The following ADGRG6 variants were observed in gnomAD, a reference collection of about 807,000 sequenced individuals.
The protein encoded by ADGRG6 is G-protein coupled receptor 126.
In ADGRG6, 84 loss-of-function variants were observed where a neutral mutation model predicts 142.4. The observed-to-expected ratio is 0.59, with a 90% CI of 0.49 to 0.71. ADGRG6 has a LOEUF of 0.71. Ranked by LOEUF, ADGRG6 falls within the 30% of genes least tolerant of loss-of-function variation. The pLI is 0.00. For missense variants in ADGRG6, 1,367 were observed against 1,466.6 expected (o/e 0.93, Z 1.11); for synonymous variants, 521 against 520.5 (o/e 1.00, Z -0.01).
chr6:142,357,276 T>C lies in ADGRG6; in HGVS notation c.104-10293T>C, dbSNP rs543976510. On this transcript the variant is annotated intron_variant, in intron 2 of 24. Transcript: ENST00000367609. ...CATTCATACATACATACTCCCCTGA[T>C]ACATTATACCTGAGATCTATATGAA... Among the ~76,000 whole-genome samples the C allele has an allele frequency of 1.5e-3, 234 of 152,316 alleles. 3 individuals are homozygous for C. The highest frequency in any genetic ancestry group is 1.5e-3 in the Non-Finnish European group (101 of 68,028).
chr6:142,389,655 T>G (rs1774776207), intron 6 of ADGRG6, among the ~76,000 whole-genome samples: 1 of 151,936 alleles, frequency 6.6e-6, no homozygotes, highest in Non-Finnish European at 1.5e-5. Flanking sequence ...ATATTGTTTC[T>G]TTTTTTCCCT....
intron 18 of ADGRG6, among the ~76,000 whole-genome samples, chr6:142,414,246 T>C (rs925499707): frequency 6.6e-6 from 1 of 152,140 alleles, no homozygotes; most frequent in Admixed American, 6.6e-5. Context: ...TAAGTCTCCC[T>C]TAGCACATTG....
At chr6:142,338,028 T>TTTTTTTTTTTTTG (rs1562321096) in intron 2 of ADGRG6, among the ~76,000 whole-genome samples, 2 of 42,160 alleles carry the variant, frequency 4.7e-5, no homozygotes, top group South Asian at 9.4e-4. Flanking sequence ...TTTTTTTTTT[T>TTTTTTTTTTTTTG]TTTTTTTTTT....
chr6:142,322,279 G>C (rs1346034643), intron 2 of ADGRG6, among the ~76,000 whole-genome samples: 1 of 151,958 alleles, frequency 6.6e-6, no homozygotes, highest in African/African-American at 2.4e-5. Context: ...ACATGCCTGT[G>C]GTCCCAGTTT....
intron 2 of ADGRG6, among the ~76,000 whole-genome samples, chr6:142,323,913 TTA>T (rs2114624168): frequency 6.6e-6 from 1 of 152,176 alleles, no homozygotes; most frequent in South Asian, 2.1e-4. Flanking sequence ...GTACCATATT[TTA>T]TCTTTTATAC....
intron 2 of ADGRG6, among the ~76,000 whole-genome samples, chr6:142,344,644 G>A (rs1407712416): frequency 3.3e-5 from 5 of 151,772 alleles, no homozygotes; most frequent in Admixed American, 6.6e-5. Context: ...ACAATAATAT[G>A]GACTTCTTCC....
chr6:142,422,461 A>C (rs1217774201), intron 22 of ADGRG6, among the ~76,000 whole-genome samples: 1 of 152,090 alleles, frequency 6.6e-6, no homozygotes, highest in Non-Finnish European at 1.5e-5. Flanking sequence ...GATGATTTCC[A>C]ATTTCATCCA....
intron 6 of ADGRG6, among the ~76,000 whole-genome samples, chr6:142,386,621 C>T (rs954017735): frequency 2.0e-5 from 3 of 152,124 alleles, no homozygotes; most frequent in South Asian, 4.2e-4. Context: ...GGGGGTTTGC[C>T]GAGTGCTTTC....
intron 2 of ADGRG6, among the ~76,000 whole-genome samples, chr6:142,346,696 TA>T (rs778129737): frequency 6.6e-6 from 1 of 151,960 alleles, no homozygotes; most frequent in Non-Finnish European, 1.5e-5. Context: ...TATGCAGTCA[TA>T]AAAAAGAACG....
rs1405635339 is a variant in ADGRG6, at chr6:142,437,536, G to A, written c.3421+1G>A. On this transcript the variant is annotated splice_donor_variant, in intron 23 of 24. Coordinates refer to ENST00000367609, the MANE Select transcript of ADGRG6 (RefSeq NM_198569.3). LOFTEE classifies it high-confidence loss of function. ...AGATTTCGGTTAGCAGATAACTCAG[G>A]TAAAGAGTTGTTGATTAAATTTTAC... The A allele has an allele frequency of 3.0e-6, 4 of 1,351,740 alleles. No individual in the cohort carries two copies. The highest frequency in any genetic ancestry group is 1.2e-5 in the South Asian group (1 of 85,498). 83.7% of individuals were successfully genotyped at this position (1,351,740 alleles called of 1,614,324 possible).
chr6:142,383,658 T>C (rs1054778699), intron 5 of ADGRG6, 102 bp from the exon 6 acceptor site: 3 of 658,538 alleles, frequency 4.6e-6, no homozygotes, highest in Non-Finnish European at 8.1e-6. Context: ...GTGGTTTCCA[T>C]TCTTCCCCTA....
At position 142,443,563 on chromosome 6, in the gene ADGRG6, A is replaced by G. The variant is rs373014350; in HGVS notation, c.*48A>G. 49 of 1,394,072 alleles carry G rather than the reference A, an allele frequency of 3.5e-5. No individual in the cohort carries two copies. In the South Asian group the frequency reaches 5.8e-4, roughly 16 times the overall value. 86.4% of individuals were successfully genotyped at this position (1,394,072 alleles called of 1,614,324 possible). A position where few individuals can be genotyped will look rare whatever the true frequency, so the allele number is the denominator to read the frequency against. On this transcript the variant is annotated 3_prime_UTR_variant, in exon 25 of 25. Transcript: ENST00000367609. ...ATCTGCAGAAATGTGAAGATTTGCA[A>G]GCAGTGTAAACTGCAACTAGTGATG...
intron 3 of ADGRG6, among the ~76,000 whole-genome samples, 180 bp from the exon 4 acceptor site, chr6:142,369,990 A>G (rs1781154918): frequency 6.6e-6 from 1 of 152,118 alleles, no homozygotes; most frequent in African/African-American, 2.4e-5. Flanking sequence ...ATTATTACTG[A>G]TATCAGACGA....
chr6:142,399,007 A>G (rs1775360066), intron 10 of ADGRG6, among the ~76,000 whole-genome samples: 1 of 152,198 alleles, frequency 6.6e-6, no homozygotes, highest in South Asian at 2.1e-4. Flanking sequence ...AGACAAATGA[A>G]TGAGTCTGCA....
At chr6:142,319,513 T>C (rs1778415081) in intron 2 of ADGRG6, among the ~76,000 whole-genome samples, 1 of 152,176 alleles carries the variant, frequency 6.6e-6, no homozygotes, top group Non-Finnish European at 1.5e-5. Flanking sequence ...GTTTTTCATA[T>C]TCTTCAAATT....
At chr6:142,318,401 T>A (rs1337553005) in intron 2 of ADGRG6, among the ~76,000 whole-genome samples, 2 of 117,556 alleles carry the variant, frequency 1.7e-5, no homozygotes, top group Non-Finnish European at 3.3e-5. Context: ...TATATGTAAT[T>A]TAAATATATA....
At chr6:142,401,121 C>T (rs1775498776) in intron 11 of ADGRG6, among the ~76,000 whole-genome samples, 3 of 152,218 alleles carry the variant, frequency 2.0e-5, no homozygotes, top group Middle Eastern at 3.4e-3. Context: ...CATTTCTCTA[C>T]CCACCTCACT....
chr6:142,404,086 T>C, intron 14 of ADGRG6, 113 bp downstream of exon 14: 1 of 789,426 alleles, frequency 1.3e-6, no homozygotes, highest in Non-Finnish European at 2.1e-6. Context: ...AGTGGCAAGG[T>C]CTGAATGTTG....
intron 2 of ADGRG6, among the ~76,000 whole-genome samples, chr6:142,327,073 T>C (rs1277797083): frequency 6.6e-6 from 1 of 152,084 alleles, no homozygotes; most frequent in African/African-American, 2.4e-5. Context: ...TAGTATTCCA[T>C]CTTGCTCCAG....
Sources: gnomAD v4.1 joint callset for allele counts (sites outside exome capture counted in the v4.1 genomes callset) on GRCh38, gnomAD v4.1.1 for gene constraint, MANE v1.5 for transcripts, NCBI Gene and HGNC (gene_info 2026-07-23, HGNC 2026-07-21) for gene names.